Variants in PLSCR4 observed in about 807,000 individuals in gnomAD.
The protein encoded by PLSCR4 is Ca(2+)-dependent phospholipid scramblase 4.
A neutral mutation model predicts 36.3 loss-of-function variants in PLSCR4; 25 were observed. That is an observed-to-expected ratio of 0.69 (90% confidence interval 0.50 to 0.96). PLSCR4 has a LOEUF of 0.96. Among genes scored for constraint, PLSCR4 ranks in the 40% least tolerant of loss-of-function variants. The pLI is 0.00. For missense variants in PLSCR4, 408 were observed against 414.7 expected (o/e 0.98, Z 0.14); for synonymous variants, 122 against 132.9 (o/e 0.92, Z 0.56).
intron 1 of PLSCR4, among the ~76,000 whole-genome samples, chr3:146,227,627 A>G (rs2035532146): frequency 6.6e-6 from 1 of 152,160 alleles, no homozygotes; most frequent in Non-Finnish European, 1.5e-5. Flanking sequence ...CTCTTAGAGT[A>G]GAGTATTTAC....
At chr3:146,214,487 T>G (rs1313147370) in intron 3 of PLSCR4, among the ~76,000 whole-genome samples, 1 of 152,060 alleles carries the variant, frequency 6.6e-6, no homozygotes, top group East Asian at 1.9e-4. Flanking sequence ...CTTCTTTAGC[T>G]CATATGTTTT....
intron 1 of PLSCR4, among the ~76,000 whole-genome samples, chr3:146,237,233 G>T (rs1436064044): frequency 1.3e-5 from 2 of 151,880 alleles, no homozygotes; most frequent in Non-Finnish European, 2.9e-5. Context: ...AGACTAAGAA[G>T]AATATTTCAT....
intron 4 of PLSCR4, among the ~76,000 whole-genome samples, chr3:146,203,778 GT>G (rs1223474425): frequency 2.0e-5 from 3 of 151,940 alleles, no homozygotes; most frequent in Non-Finnish European, 2.9e-5. Flanking sequence ...GTTGTGACTG[GT>G]TTGATCTTCT....
At chr3:146,228,239 G>A (rs2035560001) in intron 1 of PLSCR4, among the ~76,000 whole-genome samples, 1 of 152,154 alleles carries the variant, frequency 6.6e-6, no homozygotes, top group Non-Finnish European at 1.5e-5. Context: ...TATTTCACTA[G>A]TAAGACATAC....
rs1670545518 is a variant in PLSCR4, at chr3:146,206,705, C to T, written c.175G>A (p.Gly59Arg). The change falls in exon 4 of 9, where the codon GGA becomes AGA. Residue 59 changes from glycine to arginine, a missense_variant. By Grantham distance (125) the Gly-to-Arg change is moderately radical. Transcript: ENST00000354952. ...CTGGGTTGCTGTGGACTGTAGTATC[C>T]CATAGGCAAGCCTCCTGGGTAGCCA... Reference protein sequence around the residue: ...PTGYPGGLPMGYYSPQQPSTF... With the variant: ...PTGYPGGLPMRYYSPQQPSTF... The T allele has an allele frequency of 1.2e-6, 2 of 1,611,020 alleles. No homozygotes were observed. The highest frequency in any genetic ancestry group is 1.3e-5 in the African/African-American group (1 of 74,812).
Position 146,193,247 on chromosome 3 carries a change from TTTA to T in PLSCR4, c.*1161_*1163del, listed in dbSNP as rs1299323738. The T allele has an allele frequency of 1.3e-5, 2 of 152,194 alleles. No homozygotes were observed. The highest frequency in any genetic ancestry group is 1.3e-4 in the Admixed American group (2 of 15,276). The allele number at this position is 152,194 out of a possible 1,614,324, so 9.4% of individuals were successfully genotyped here. A position where few individuals can be genotyped will look rare whatever the true frequency, so the allele number is the denominator to read the frequency against. Reference sequence around the variant, plus strand: ...TAGAGAAATAGAATGTTTACTGTGTTTTATTATTATTACTCTGTGTAGATACAT... The same window carrying T: ...TAGAGAAATAGAATGTTTACTGTGTTTTATTATTACTCTGTGTAGATACAT... On this transcript the variant is annotated 3_prime_UTR_variant, in exon 9 of 9. Coordinates refer to ENST00000354952, the MANE Select transcript of PLSCR4 (RefSeq NM_020353.3).
chr3:146,224,399 T>G (rs554011695), intron 1 of PLSCR4, among the ~76,000 whole-genome samples: 1 of 152,134 alleles, frequency 6.6e-6, no homozygotes, highest in African/African-American at 2.4e-5. Context: ...AATTGGTGGG[T>G]TCTTGGTCTC....
intron 3 of PLSCR4, among the ~76,000 whole-genome samples, chr3:146,220,156 A>G (rs1332771341): frequency 1.3e-5 from 2 of 152,184 alleles, no homozygotes; most frequent in African/African-American, 2.4e-5. Context: ...AAGTAAGGGC[A>G]CTTTTAATTT....
At chr3:146,200,204 G>T (rs1156596648) in intron 5 of PLSCR4, among the ~76,000 whole-genome samples, 165 bp from the exon 6 acceptor site, 1 of 151,900 alleles carries the variant, frequency 6.6e-6, no homozygotes, top group Non-Finnish European at 1.5e-5. Flanking sequence ...TTATCTAAAA[G>T]TATTTAAGCA....
intron 7 of PLSCR4, chr3:146,196,335 C>T (rs1177855495): frequency 1.1e-5 from 3 of 282,894 alleles, no homozygotes; most frequent in Non-Finnish European, 2.0e-5. Flanking sequence ...TTACATATAG[C>T]CAACAATAGA....
chr3:146,232,184 T>C (rs918973790), intron 1 of PLSCR4, among the ~76,000 whole-genome samples: 1 of 152,192 alleles, frequency 6.6e-6, no homozygotes, highest in African/African-American at 2.4e-5. Context: ...GCTTTATTTC[T>C]ATTCTGTTGT....
Position 146,222,084 on chromosome 3 carries a change from C to A in PLSCR4, c.-13G>T. ...ACTTACCTGACATTTTGAAGAATTC[C>A]AATTAATCCTGAAAAATAAAAAATG... On this transcript the variant is annotated 5_prime_UTR_variant, in exon 2 of 9. Coordinates refer to ENST00000354952, the MANE Select transcript of PLSCR4 (RefSeq NM_020353.3). 2 of 1,150,082 alleles carry A rather than the reference C, an allele frequency of 1.7e-6. No individual in the cohort carries two copies. The highest frequency in any genetic ancestry group is 2.4e-6 in the Non-Finnish European group (2 of 835,734). The allele number at this position is 1,150,082 out of a possible 1,614,324, so 71.2% of individuals were successfully genotyped here.
rs3762685 is a variant in PLSCR4, at chr3:146,220,832, T to C, written c.101A>G (p.Asn34Ser). 0.34 allele frequency: 536,743 copies of C among 1,598,748 alleles called. 92,312 individuals are homozygous for C. Among genetic ancestry groups the C allele is most frequent in the Admixed American group, 0.4 (23,883 of 59,522 alleles). Reference sequence around the variant, plus strand: ...TAACCCACCTGGTAAAAAATGAGAATTGTATTCAGGAGGAGCATCAGGCCT... The same window carrying C: ...TAACCCACCTGGTAAAAAATGAGAACTGTATTCAGGAGGAGCATCAGGCCT... ...DPRPDAPPEY[N>S]SHFLPGPPGT... Residue 34 changes from asparagine (N) to serine (S), a missense_variant, in exon 3 of 9, where the codon AAT (asparagine) becomes AGT (serine). Physicochemically the swap from Asn to Ser is conservative, Grantham distance 46. Transcript: ENST00000354952.
At chr3:146,227,032 C>A (rs1401289683) in intron 1 of PLSCR4, among the ~76,000 whole-genome samples, 1 of 152,148 alleles carries the variant, frequency 6.6e-6, no homozygotes, top group African/African-American at 2.4e-5. Flanking sequence ...TTGTGCAAGG[C>A]AGGATAATTT....
intron 3 of PLSCR4, among the ~76,000 whole-genome samples, chr3:146,219,391 T>C (rs1297657772): frequency 1.3e-5 from 2 of 152,198 alleles, no homozygotes; most frequent in African/African-American, 2.4e-5. Context: ...TGGAAGTCAC[T>C]GAAGTGACAT....
At chr3:146,204,559 G>A (rs1026304728) in intron 4 of PLSCR4, among the ~76,000 whole-genome samples, 1 of 151,742 alleles carries the variant, frequency 6.6e-6, no homozygotes, top group Non-Finnish European at 1.5e-5. Flanking sequence ...TAAAAAACCA[G>A]GTTTGCCTGG....
chr3:146,214,755 G>A (rs1297418378), intron 3 of PLSCR4, among the ~76,000 whole-genome samples: 5 of 152,002 alleles, frequency 3.3e-5, no homozygotes, highest in Non-Finnish European at 5.9e-5. Context: ...ATGCTATTAC[G>A]TCTAGAGTGT....
chr3:146,201,070 T>A lies in PLSCR4; in HGVS notation c.362A>T (p.Asn121Ile). 6.4e-7 allele frequency: 1 copy of A among 1,552,382 alleles called. No individual in the cohort carries two copies. The highest frequency in any genetic ancestry group is 8.6e-7 in the Non-Finnish European group (1 of 1,156,442). The part of the protein sequence containing the change: ...PGLEYLVQLD[N>I]IHVLQHFEPL... ...CTCAAAATGCTGAAGAACATGTATGTTGTCCAACTGTTGGGATAAAACAAA... is the reference window on the plus strand; with the variant it reads ...CTCAAAATGCTGAAGAACATGTATGATGTCCAACTGTTGGGATAAAACAAA... The change falls in exon 5 of 9, where the codon AAC becomes ATC. Residue 121 changes from asparagine (N) to isoleucine (I), a missense_variant. Transcript: ENST00000354952.
intron 1 of PLSCR4, among the ~76,000 whole-genome samples, chr3:146,227,323 G>A (rs956020013): frequency 2.6e-5 from 4 of 152,132 alleles, no homozygotes; most frequent in Admixed American, 2.6e-4. Context: ...ATGTAATTAA[G>A]AGAGAAAGGA....
Sources: gnomAD v4.1 joint callset for allele counts (sites outside exome capture counted in the v4.1 genomes callset) on GRCh38, gnomAD v4.1.1 for gene constraint, MANE v1.5 for transcripts, NCBI Gene and HGNC (gene_info 2026-07-23, HGNC 2026-07-21) for gene names.